GRID2: variants seen among roughly 807,000 people sequenced by gnomAD.
GRID2 encodes glutamate receptor ionotropic, delta-2.
A neutral mutation model predicts 114.8 loss-of-function variants in GRID2; 33 were observed. The ratio of observed to expected loss-of-function variants is 0.29; its 90% CI spans 0.22 to 0.38. The LOEUF (loss-of-function observed/expected upper bound fraction) is 0.38. GRID2 is among the 10% of genes least tolerant of loss of function. The pLI is 1.00. For missense variants in GRID2, 1,184 were observed against 1,257.7 expected (o/e 0.94, Z 0.89); for synonymous variants, 505 against 449.9 (o/e 1.12, Z -1.55).
intron 2 of GRID2, among the ~76,000 whole-genome samples, chr4:92,901,402 T>C (rs575260866): frequency 6.6e-6 from 1 of 152,236 alleles, no homozygotes; most frequent in South Asian, 2.1e-4. Flanking sequence ...ATTTTTCAGT[T>C]GCATAGTTTA....
intron 2 of GRID2, among the ~76,000 whole-genome samples, chr4:92,873,708 T>G (rs146945993): frequency 1.5e-3 from 229 of 152,210 alleles, no homozygotes; most frequent in Admixed American, 3.3e-3. Flanking sequence ...GAGGTTTTTT[T>G]GTTTGTTTGT....
intron 2 of GRID2, among the ~76,000 whole-genome samples, chr4:92,708,810 C>G (rs977732349): frequency 1.3e-5 from 2 of 152,116 alleles, no homozygotes; most frequent in African/African-American, 4.8e-5. Flanking sequence ...CCTGTAATCG[C>G]AGCTACTTGG....
chr4:92,676,619 T>C (rs1450994313), intron 2 of GRID2, among the ~76,000 whole-genome samples: 1 of 152,180 alleles, frequency 6.6e-6, no homozygotes, highest in Non-Finnish European at 1.5e-5. Flanking sequence ...GACATTGCCA[T>C]GTCCTCTGTA....
intron 4 of GRID2, among the ~76,000 whole-genome samples, chr4:93,149,735 A>G (rs575600026): frequency 1.3e-5 from 2 of 152,080 alleles, no homozygotes; most frequent in South Asian, 4.2e-4. Context: ...CTAGGCTCAA[A>G]TGATTCTCCT....
intron 2 of GRID2, among the ~76,000 whole-genome samples, chr4:93,057,119 GA>G (rs1727323101): frequency 6.6e-6 from 1 of 151,234 alleles, no homozygotes; most frequent in Non-Finnish European, 1.5e-5. Flanking sequence ...GAGACCAAAA[GA>G]AACTGGAAAA....
intron 8 of GRID2, among the ~76,000 whole-genome samples, chr4:93,261,637 A>G (rs1165108681): frequency 6.6e-6 from 1 of 151,844 alleles, no homozygotes; most frequent in Non-Finnish European, 1.5e-5. Context: ...GATATAATAG[A>G]TTGAACAATA....
intron 1 of GRID2, among the ~76,000 whole-genome samples, chr4:92,474,047 C>A (rs1722175518): frequency 6.6e-6 from 1 of 150,508 alleles, no homozygotes; most frequent in South Asian, 2.1e-4. Flanking sequence ...GGTCTATTCT[C>A]TTAGCAAATT....
intron 2 of GRID2, among the ~76,000 whole-genome samples, chr4:93,076,610 CT>C (rs56357327): frequency 0.019 from 1,796 of 96,972 alleles, 21 homozygotes; most frequent in Middle Eastern, 0.031. Flanking sequence ...TCACCAACCT[CT>C]TTTTTTTTTT....
chr4:93,463,800 T>C (rs908637868), intron 11 of GRID2, among the ~76,000 whole-genome samples: 2 of 152,038 alleles, frequency 1.3e-5, no homozygotes, highest in Admixed American at 6.5e-5. Flanking sequence ...CCATCCTGGC[T>C]AACATGGTGA....
chr4:92,804,265 A>G (rs1307930000), intron 2 of GRID2, among the ~76,000 whole-genome samples: 1 of 152,040 alleles, frequency 6.6e-6, no homozygotes, highest in Non-Finnish European at 1.5e-5. Flanking sequence ...AATCATATGG[A>G]AAAATATTCT....
At chr4:92,728,191 T>C (rs1736152826) in intron 2 of GRID2, among the ~76,000 whole-genome samples, 1 of 152,036 alleles carries the variant, frequency 6.6e-6, no homozygotes, top group African/African-American at 2.4e-5. Flanking sequence ...ATTGAACCTC[T>C]TATAATTTTC....
At chr4:93,002,820 C>T (rs894909336) in intron 2 of GRID2, among the ~76,000 whole-genome samples, 2 of 151,756 alleles carry the variant, frequency 1.3e-5, no homozygotes, top group Non-Finnish European at 2.9e-5. Flanking sequence ...AGAATTCCAA[C>T]ATTTATGTCA....
chr4:92,557,924 T>A (rs1726935095), intron 1 of GRID2, among the ~76,000 whole-genome samples: 1 of 152,144 alleles, frequency 6.6e-6, no homozygotes, highest in Admixed American at 6.6e-5. Context: ...CTGCAGATAC[T>A]TTGCATAGAA....
At chr4:92,537,298 AT>A (rs541909183) in intron 1 of GRID2, among the ~76,000 whole-genome samples, 1 of 152,116 alleles carries the variant, frequency 6.6e-6, no homozygotes, top group African/African-American at 2.4e-5. Flanking sequence ...ATTAGCTAAT[AT>A]TTTCCCCTAA....
At chr4:93,480,738 A>T (rs1725771957) in intron 11 of GRID2, among the ~76,000 whole-genome samples, 1 of 151,998 alleles carries the variant, frequency 6.6e-6, no homozygotes, top group Admixed American at 6.6e-5. Flanking sequence ...CCCCAGTGTT[A>T]TCTGAGACTT....
intron 14 of GRID2, among the ~76,000 whole-genome samples, chr4:93,763,941 T>C (rs1354193966): frequency 6.6e-6 from 1 of 152,140 alleles, no homozygotes; most frequent in Admixed American, 6.6e-5. Flanking sequence ...CCAGAAAAGT[T>C]TGAGAGGAAC....
At chr4:92,952,355 C>G (rs1034981121) in intron 2 of GRID2, among the ~76,000 whole-genome samples, 3 of 152,080 alleles carry the variant, frequency 2.0e-5, no homozygotes, top group Admixed American at 2.0e-4. Flanking sequence ...CGTAGACGAC[C>G]TTTATTCATT....
At position 92,754,964 on chromosome 4, in the gene GRID2, G is replaced by A. The variant is rs575191042; in HGVS notation, c.244+164678G>A. 6.6e-5 allele frequency among the ~76,000 whole-genome samples: 10 copies of A among 152,076 alleles called. No individual in the cohort carries two copies. The East Asian group carries it at 7.7e-4, about 12-fold the overall frequency. On this transcript the variant is annotated intron_variant, in intron 2 of 15. Transcript: ENST00000282020. ...ACTTCTACTATTTCCTTTTCTGTGCGTGTGCATACATGTGTGATATTCTTT... is the reference window on the plus strand; with the variant it reads ...ACTTCTACTATTTCCTTTTCTGTGCATGTGCATACATGTGTGATATTCTTT...
intron 14 of GRID2, among the ~76,000 whole-genome samples, chr4:93,670,344 A>C (rs1184809770): frequency 6.6e-6 from 1 of 152,144 alleles, no homozygotes; most frequent in African/African-American, 2.4e-5. Flanking sequence ...ATTGCTTCCT[A>C]TCCAATAACA....
Sources: gnomAD v4.1 joint callset for allele counts (sites outside exome capture counted in the v4.1 genomes callset) on GRCh38, gnomAD v4.1.1 for gene constraint, MANE v1.5 for transcripts, NCBI Gene and HGNC (gene_info 2026-07-23, HGNC 2026-07-21) for gene names.